The following RBBP6 variants were observed in gnomAD, a reference collection of about 807,000 sequenced individuals.
The protein encoded by RBBP6 is RB binding protein 6, ubiquitin ligase.
In RBBP6, 25 loss-of-function variants were observed where a neutral mutation model predicts 167.7. That is an observed-to-expected ratio of 0.15 (90% CI 0.11 to 0.21). The LOEUF (loss-of-function observed/expected upper bound fraction) is 0.21, where lower values mean the gene tolerates loss of function less well. RBBP6 is among the 10% of genes least tolerant of loss of function. The probability of loss-of-function intolerance (pLI) is 1.00; values close to 1 mark genes in which losing one functional copy is unlikely to be tolerated. For missense variants in RBBP6, 1,868 were observed against 2,134.2 expected, an observed-to-expected ratio of 0.88 and a Z score of 2.46; for synonymous variants, 789 against 735.8, an observed-to-expected ratio of 1.07 and a Z score of -1.17.
intron 14 of RBBP6, among the ~76,000 whole-genome samples, chr16:24,565,310 A>G (rs2141474937): frequency 6.6e-6 from 1 of 152,356 alleles, no homozygotes; most frequent in Non-Finnish European, 1.5e-5. Flanking sequence ...TTTCCAAAAG[A>G]AGAGACAGGA....
intron 14 of RBBP6, among the ~76,000 whole-genome samples, chr16:24,565,704 C>CA (rs1024280002): frequency 2.6e-5 from 4 of 152,180 alleles, no homozygotes; most frequent in African/African-American, 9.7e-5. Flanking sequence ...TCCCTGGTGC[C>CA]AAAACGGTTG....
At chr16:24,541,851 A>G (rs78922365) in intron 1 of RBBP6, among the ~76,000 whole-genome samples, 2,714 of 152,280 alleles carry the variant, frequency 0.018, 81 homozygotes, top group African/African-American at 0.062. Context: ...CTAAATTTTT[A>G]TCACACTTAA....
In RBBP6 at chr16:24,540,664, A is replaced by C. The variant is rs770641191; in HGVS notation, c.38A>C (p.Asn13Thr). The change falls in exon 1 of 18, where the codon AAC becomes ACC. Residue 13 changes from asparagine to threonine, a missense_variant. Transcript: ENST00000319715. Reference sequence around the variant, plus strand: ...CATTATAAATTTTCCTCTAAACTCAACTATGATACCGTCACCTTTGATGGG... The same window carrying C: ...CATTATAAATTTTCCTCTAAACTCACCTATGATACCGTCACCTTTGATGGG... Reference protein sequence around the residue: ...CVHYKFSSKLNYDTVTFDGLH... With the variant: ...CVHYKFSSKLTYDTVTFDGLH... 1.2e-6 allele frequency: 2 copies of C among 1,614,046 alleles called. No homozygotes were observed. Among genetic ancestry groups the C allele is most frequent in the Non-Finnish European group, 1.7e-6 (2 of 1,179,968 alleles).
At position 24,562,120 on chromosome 16, in the gene RBBP6, A is replaced by G. The variant is rs557290585; in HGVS notation, c.1248A>G (p.Val416=). The G allele has an allele frequency of 6.2e-7, 1 of 1,613,312 alleles. No homozygotes were observed. Among genetic ancestry groups the G allele is most frequent in the African/African-American group, 1.3e-5 (1 of 75,058 alleles). ...PAPVPDITAT[V]SISVHSEKSD... Reference sequence around the variant, plus strand: ...CTGTACCTGATATAACTGCAACAGTATCCATATCAGTTCATTCAGAAAAAT... The same window carrying G: ...CTGTACCTGATATAACTGCAACAGTGTCCATATCAGTTCATTCAGAAAAAT... Residue 416 remains valine (V), a synonymous_variant, in exon 10 of 18, where the codon GTA becomes GTG. Coordinates refer to ENST00000319715, the MANE Select transcript of RBBP6 (RefSeq NM_006910.5).
At chr16:24,541,211 A>AAC in intron 1 of RBBP6, among the ~76,000 whole-genome samples, 1 of 149,728 alleles carries the variant, frequency 6.7e-6, no homozygotes, top group Non-Finnish European at 1.5e-5. Flanking sequence ...AAACCAAAAA[A>AAC]ACAATTTTCT....
chr16:24,547,548 C>T (rs554521049), intron 2 of RBBP6, among the ~76,000 whole-genome samples: 8 of 152,188 alleles, frequency 5.3e-5, no homozygotes, highest in South Asian at 4.1e-4. Flanking sequence ...CTGTAGCCTC[C>T]GGGCTCAAGC....
rs1303443397 is a variant in RBBP6 at position 24,570,408 on chromosome 16, A to T, written c.3718A>T (p.Ser1240Cys). The change falls in exon 17 of 18, where the codon AGC (serine) becomes TGC (cysteine). Residue 1240 changes from serine to cysteine, a missense_variant. Ser to Cys is a moderately radical substitution (Grantham distance 112). Around this residue, in one of 7 missense-constraint regions of RBBP6, gnomAD observed 673 missense variants for 691.5 expected, o/e 0.97. Transcript: ENST00000319715. ...EPSEKLESTS[S>C]KVKQEKVKGK... ...CTCTGAAAAATTGGAGTCAACATCT[A>T]GCAAAGTTAAACAAGAAAAAGTCAA... 6.2e-7 allele frequency: 1 copy of T among 1,611,654 alleles called. No homozygotes were observed. Among genetic ancestry groups the T allele is most frequent in the Admixed American group, 1.7e-5 (1 of 59,278 alleles).
intron 10 of RBBP6, 97 bp downstream of exon 10, chr16:24,562,258 C>T (rs760606349): frequency 9.9e-5 from 111 of 1,122,364 alleles, no homozygotes; most frequent in Admixed American, 2.6e-4. Context: ...CTTAGTGGAC[C>T]ACTGTGCTCA....
At chr16:24,568,026 T>C in intron 16 of RBBP6, 133 bp downstream of exon 16, 1 of 711,142 alleles carries the variant, frequency 1.4e-6, no homozygotes, top group East Asian at 2.8e-5. Flanking sequence ...AGTGAAGATG[T>C]AGCTTATTTC....
At chr16:24,550,787 T>C (rs1319110139) in intron 3 of RBBP6, among the ~76,000 whole-genome samples, 3 of 151,808 alleles carry the variant, frequency 2.0e-5, no homozygotes, top group African/African-American at 7.2e-5. Context: ...GGTAGAATTA[T>C]CTGAAATAGA....
chr16:24,568,884 C>G lies in RBBP6; in HGVS notation c.2194C>G (p.Pro732Ala). Residue 732 changes from proline (P) to alanine (A), a missense_variant, in exon 17 of 18, where the codon CCA becomes GCA. Around this residue, in one of 7 missense-constraint regions of RBBP6, gnomAD observed 673 missense variants for 691.5 expected, o/e 0.97. Coordinates refer to ENST00000319715, the MANE Select transcript of RBBP6 (RefSeq NM_006910.5). ...SHSRSYSRSPPYPRRGRGKSR... is the reference protein window; with the variant it reads ...SHSRSYSRSPAYPRRGRGKSR... Reference sequence around the variant, plus strand: ...TTCTCGTTCCTATTCACGGTCACCTCCATACCCCAGAAGAGGCAGAGGCAA... The same window carrying G: ...TTCTCGTTCCTATTCACGGTCACCTGCATACCCCAGAAGAGGCAGAGGCAA... The G allele has an allele frequency of 6.2e-7, 1 of 1,614,238 alleles. No homozygotes were observed. Among genetic ancestry groups the G allele is most frequent in the Admixed American group, 1.7e-5 (1 of 60,036 alleles).
In RBBP6 at chr16:24,569,321, A is replaced by C. The variant is rs1192872213; in HGVS notation, c.2631A>C (p.Arg877Ser). 1.9e-6 allele frequency: 3 copies of C among 1,612,938 alleles called. No homozygotes were observed. In the Admixed American group the frequency reaches 5.0e-5, roughly 27 times the overall value. ...PLNIRNSPFT[R>S]GRREDYVGGQ... ...ACATCAGGAATTCTCCCTTCACAAGAGGCCGCAGAGAAGACTATGTTGGTG... is the reference window on the plus strand; with the variant it reads ...ACATCAGGAATTCTCCCTTCACAAGCGGCCGCAGAGAAGACTATGTTGGTG... Residue 877 changes from arginine (R) to serine (S), a missense_variant, in exon 17 of 18, where the codon AGA (arginine) becomes AGC (serine). Around this residue, in one of 7 missense-constraint regions of RBBP6, gnomAD observed 673 missense variants for 691.5 expected, o/e 0.97. Coordinates refer to ENST00000319715, the MANE Select transcript of RBBP6 (RefSeq NM_006910.5).
In RBBP6 at chr16:24,571,273, A is replaced by G; in HGVS notation, c.4207A>G (p.Thr1403Ala). 1 of 1,612,908 alleles carries G rather than the reference A, an allele frequency of 6.2e-7. No individual in the cohort carries two copies. Among genetic ancestry groups the G allele is most frequent in the Non-Finnish European group, 8.5e-7 (1 of 1,179,750 alleles). ...KNSASSEKGK[T>A]KDRDYSVLEK... ...CTCTGCATCTAGTGAAAAAGGGAAA[A>G]CCAAAGATCGAGATTATTCAGTGTT... The change falls in exon 18 of 18, where the codon ACC becomes GCC. Residue 1403 changes from threonine to alanine, a missense_variant. By Grantham distance (58) the Thr-to-Ala change is moderately conservative (BLOSUM62 0). This residue lies in a region of RBBP6 where 591 missense variants were observed against 540.5 expected (regional missense o/e 1.09). Transcript: ENST00000319715.
At chr16:24,544,787 A>G (rs950378083) in intron 1 of RBBP6, among the ~76,000 whole-genome samples, 3 of 152,160 alleles carry the variant, frequency 2.0e-5, no homozygotes, top group Admixed American at 6.5e-5. Context: ...AATAGGATCC[A>G]TTCTTCTCCC....
intron 3 of RBBP6, chr16:24,549,535 C>G (rs1469705686): frequency 3.8e-6 from 1 of 262,992 alleles, no homozygotes; most frequent in Admixed American, 6.5e-5. Context: ...CAAGTTCAAA[C>G]ACATCATAGA....
chr16:24,562,914 G>A (rs1431981728), intron 10 of RBBP6, among the ~76,000 whole-genome samples: 1 of 152,074 alleles, frequency 6.6e-6, no homozygotes, highest in African/African-American at 2.4e-5. Flanking sequence ...GGGGATTTTT[G>A]TCTTCATAGG....
At chr16:24,559,802 T>C in intron 8 of RBBP6, 125 bp downstream of exon 8, 1 of 859,862 alleles carries the variant, frequency 1.2e-6, no homozygotes, top group Non-Finnish European at 1.6e-6. Flanking sequence ...TGTTGATCAA[T>C]GAGCATTAAG....
chr16:24,567,643 G>A (rs1167673446), intron 15 of RBBP6, 138 bp downstream of exon 15: 54 of 1,285,122 alleles, frequency 4.2e-5, no homozygotes, highest in Non-Finnish European at 5.2e-5. Context: ...AGCCATACAA[G>A]CAACTTCTCA....
At chr16:24,562,271 A>G (rs1388334182) in intron 10 of RBBP6, 110 bp downstream of exon 10, 1 of 993,658 alleles carries the variant, frequency 1.0e-6, no homozygotes, top group Admixed American at 2.3e-5. Context: ...TGTGCTCAGT[A>G]ATGTGGGATG....
Sources: gnomAD v4.1 joint callset for allele counts (sites outside exome capture counted in the v4.1 genomes callset) on GRCh38, gnomAD v4.1.1 for gene constraint, gnomAD v4.1.1 regional missense constraint, MANE v1.5 for transcripts, NCBI Gene and HGNC (gene_info 2026-07-23, HGNC 2026-07-21) for gene names.